LSAMP: variants seen among roughly 807,000 people sequenced by gnomAD.
The protein encoded by LSAMP is limbic system-associated membrane protein.
Under a neutral mutation model 38.6 loss-of-function variants are expected in LSAMP, and 7 were observed. The ratio of observed to expected loss-of-function variants is 0.18; its 90% CI spans 0.10 to 0.34. The LOEUF (loss-of-function observed/expected upper bound fraction) is 0.34, where lower values mean the gene tolerates loss of function less well. Ranked by LOEUF, LSAMP falls within the 10% of genes least tolerant of loss-of-function variation. The pLI, the probability that LSAMP is intolerant of heterozygous loss-of-function variation, is 1.00. For synonymous variants in LSAMP, 154 were observed against 166.8 expected, an observed-to-expected ratio of 0.92 and a Z score of 0.59; for missense variants, 313 against 420.0, an observed-to-expected ratio of 0.75 and a Z score of 2.23.
intron 3 of LSAMP, among the ~76,000 whole-genome samples, chr3:115,854,377 G>C (rs1358024810): frequency 6.8e-6 from 1 of 147,626 alleles, no homozygotes. Context: ...CCGCCTCCCA[G>C]GTTCACGCCA....
chr3:115,952,514 C>A (rs892002821), intron 3 of LSAMP, among the ~76,000 whole-genome samples: 3 of 152,120 alleles, frequency 2.0e-5, no homozygotes, highest in Non-Finnish European at 2.9e-5. Flanking sequence ...GGGAGCTAAG[C>A]TATGAGGACA....
intron 1 of LSAMP, among the ~76,000 whole-genome samples, chr3:116,348,763 G>C (rs535710492): frequency 6.6e-6 from 1 of 152,154 alleles, no homozygotes; most frequent in East Asian, 1.9e-4. Flanking sequence ...ATCATAAAAT[G>C]AGATGATAAT....
At chr3:116,367,670 A>G (rs1576166870) in intron 1 of LSAMP, among the ~76,000 whole-genome samples, 1 of 150,924 alleles carries the variant, frequency 6.6e-6, no homozygotes, top group Non-Finnish European at 1.5e-5. Context: ...ACCACACCCA[A>G]CTAGTTTTTT....
chr3:116,142,584 G>C (rs994830489), intron 1 of LSAMP, among the ~76,000 whole-genome samples: 1 of 151,962 alleles, frequency 6.6e-6, no homozygotes, highest in Non-Finnish European at 1.5e-5. Context: ...ATTGATCTTA[G>C]TTTTCTTTTT....
intron 3 of LSAMP, among the ~76,000 whole-genome samples, chr3:115,996,642 T>TG (rs907742338): frequency 6.6e-6 from 1 of 152,004 alleles, no homozygotes; most frequent in African/African-American, 2.4e-5. Context: ...GGTATGGATG[T>TG]GGGGAAAAAA....
intron 3 of LSAMP, among the ~76,000 whole-genome samples, chr3:115,881,382 T>A (rs1936319075): frequency 6.6e-6 from 1 of 152,178 alleles, no homozygotes; most frequent in African/African-American, 2.4e-5. Context: ...CATATTTGGA[T>A]GTTACTTGTC....
intron 1 of LSAMP, among the ~76,000 whole-genome samples, chr3:116,267,908 A>T (rs542844158): frequency 5.9e-5 from 9 of 152,198 alleles, no homozygotes; most frequent in Admixed American, 2.0e-4. Flanking sequence ...AAGTCAATGG[A>T]GAGAGTCTCA....
At chr3:115,872,073 CTCT>C (rs1207590096) in intron 3 of LSAMP, among the ~76,000 whole-genome samples, 2 of 152,160 alleles carry the variant, frequency 1.3e-5, no homozygotes, top group South Asian at 2.1e-4. Context: ...TCCTTTTTCT[CTCT>C]TCTTAGATTT....
At chr3:116,063,243 A>G (rs2107360286) in intron 2 of LSAMP, among the ~76,000 whole-genome samples, 1 of 152,286 alleles carries the variant, frequency 6.6e-6, no homozygotes, top group African/African-American at 2.4e-5. Flanking sequence ...TAAATATTTT[A>G]CAATAGAAAT....
chr3:115,996,964 G>A (rs1185071341), intron 3 of LSAMP, among the ~76,000 whole-genome samples: 1 of 152,048 alleles, frequency 6.6e-6, no homozygotes, highest in Non-Finnish European at 1.5e-5. Flanking sequence ...AAGATAAGCT[G>A]ACTGGCTGGC....
intron 1 of LSAMP, among the ~76,000 whole-genome samples, chr3:116,298,079 C>G (rs900745181): frequency 5.9e-5 from 9 of 152,194 alleles, no homozygotes; most frequent in Admixed American, 4.6e-4. Flanking sequence ...TGTTCTGTTT[C>G]TCTTTATCAT....
At chr3:116,107,270 G>A (rs958806623) in intron 1 of LSAMP, among the ~76,000 whole-genome samples, 5 of 152,092 alleles carry the variant, frequency 3.3e-5, no homozygotes, top group African/African-American at 7.2e-5. Context: ...TGAAGGAGCC[G>A]GGGAGCAGAA....
chr3:116,156,573 T>G (rs138534556), intron 1 of LSAMP, among the ~76,000 whole-genome samples: 2,294 of 152,202 alleles, frequency 0.015, 30 homozygotes, highest in Non-Finnish European at 0.023. Flanking sequence ...GCTTTATTGA[T>G]AGGAAAAATG....
intron 1 of LSAMP, among the ~76,000 whole-genome samples, chr3:116,122,372 G>C (rs1708896254): frequency 6.6e-6 from 1 of 152,138 alleles, no homozygotes; most frequent in Admixed American, 6.5e-5. Flanking sequence ...TCTCAAGAAT[G>C]ATCTGATCTT....
At chr3:115,939,109 C>T (rs939609960) in intron 3 of LSAMP, among the ~76,000 whole-genome samples, 7 of 152,040 alleles carry the variant, frequency 4.6e-5, no homozygotes, top group African/African-American at 1.7e-4. Context: ...TGACTTGTTA[C>T]CTGTCACAAG....
chr3:115,870,350 GAT>G (rs1935997331), intron 3 of LSAMP, among the ~76,000 whole-genome samples: 1 of 152,160 alleles, frequency 6.6e-6, no homozygotes, highest in Non-Finnish European at 1.5e-5. Flanking sequence ...GAATATAGTA[GAT>G]GAGAACAAAA....
At chr3:115,920,612 T>C (rs150020150) in intron 3 of LSAMP, among the ~76,000 whole-genome samples, 1 of 152,312 alleles carries the variant, frequency 6.6e-6, no homozygotes, top group Non-Finnish European at 1.5e-5. Context: ...TGACATATTA[T>C]GGGATTTATC....
intron 2 of LSAMP, among the ~76,000 whole-genome samples, chr3:116,057,293 A>T (rs958190047): frequency 2.0e-5 from 3 of 152,196 alleles, no homozygotes; most frequent in African/African-American, 7.2e-5. Context: ...TAGTAGGTAA[A>T]ATCCTATTTT....
chr3:116,155,564 C>G (rs1456608136), intron 1 of LSAMP, among the ~76,000 whole-genome samples: 1 of 151,848 alleles, frequency 6.6e-6, no homozygotes, highest in African/African-American at 2.4e-5. Context: ...TAATACCTAG[C>G]ATGTTGCCTG....
Sources: allele counts gnomAD v4.1 joint callset (sites outside exome capture counted in the v4.1 genomes callset), GRCh38; gene constraint gnomAD v4.1.1; transcripts MANE v1.5; gene names NCBI Gene and HGNC (gene_info 2026-07-23, HGNC 2026-07-21).